IKBKE: variants seen among roughly 807,000 people sequenced by gnomAD.
IKBKE encodes inhibitor of nuclear factor kappa B kinase subunit epsilon.
In IKBKE, 45 loss-of-function variants were observed where a neutral mutation model predicts 92.1. The ratio of observed to expected loss-of-function variants is 0.49; its 90% CI spans 0.38 to 0.63. IKBKE has a LOEUF of 0.63. Ranked by LOEUF, IKBKE falls within the 20% of genes least tolerant of loss-of-function variation. IKBKE has a pLI of 0.00. For missense variants in IKBKE, 700 were observed against 932.8 expected (o/e 0.75, Z 3.25); for synonymous variants, 374 against 380.3 (o/e 0.98, Z 0.19).
At chr1:206,491,892 G>A in intron 18 of IKBKE, 143 bp downstream of exon 18, 1 of 604,078 alleles carries the variant, frequency 1.7e-6, no homozygotes, top group Non-Finnish European at 3.0e-6. Flanking sequence ...TTCTGTCCCT[G>A]GGTGGACCAG....
intron 13 of IKBKE, among the ~76,000 whole-genome samples, chr1:206,483,471 C>G (rs782222697): frequency 6.6e-6 from 1 of 152,166 alleles, no homozygotes; most frequent in Non-Finnish European, 1.5e-5. Flanking sequence ...TTGCTAGGCA[C>G]GAGACGTACG....
chr1:206,493,883 C>T (rs199991851), intron 20 of IKBKE, 37 bp from the exon 21 acceptor site: 1 of 1,598,686 alleles, frequency 6.3e-7, no homozygotes, highest in Non-Finnish European at 8.6e-7. Context: ...GGGCAACTTC[C>T]AGCCTCAGCC....
chr1:206,474,651 G>A (rs1259847460), intron 4 of IKBKE, among the ~76,000 whole-genome samples, 180 bp downstream of exon 4: 4 of 152,146 alleles, frequency 2.6e-5, no homozygotes, highest in South Asian at 2.1e-4. Context: ...GGAAAGGAAC[G>A]ATGGACAGAA....
At position 206,476,962 on chromosome 1, in the gene IKBKE, A is replaced by C; in HGVS notation, c.701+124A>C. On this transcript the variant is annotated intron_variant, in intron 7 of 21. Coordinates refer to ENST00000581977, the MANE Select transcript of IKBKE (RefSeq NM_014002.4). This position sits in a 1 kb window ranked among gnomAD's most constrained non-coding sequence, Gnocchi z 5.1. ...TGGCCCTCCTCTGGTCCACCCCCCA[A>C]CCCAGGCTCTTTGTAGATCTTTTTT... 2 of 1,014,894 alleles carry C rather than the reference A, an allele frequency of 2.0e-6. No homozygotes were observed. Among genetic ancestry groups the C allele is most frequent in the Non-Finnish European group, 1.4e-6 (1 of 693,436 alleles). 62.9% of individuals were successfully genotyped at this position (1,014,894 alleles called of 1,614,324 possible).
At chr1:206,491,548 C>G (rs1437300726) in intron 17 of IKBKE, 100 bp from the exon 18 acceptor site, 9 of 820,168 alleles carry the variant, frequency 1.1e-5, no homozygotes, top group African/African-American at 1.0e-4. Context: ...TGGGCACTTA[C>G]GACAAGGTGG....
intron 13 of IKBKE, among the ~76,000 whole-genome samples, chr1:206,483,873 G>A (rs984870791): frequency 1.3e-5 from 2 of 152,130 alleles, no homozygotes; most frequent in African/African-American, 2.4e-5. Flanking sequence ...GCTTCCCCTT[G>A]AAGTTGTTTG....
chr1:206,472,593 A>G (rs889239836), intron 2 of IKBKE, among the ~76,000 whole-genome samples: 1 of 151,810 alleles, frequency 6.6e-6, no homozygotes, highest in African/African-American at 2.4e-5. Flanking sequence ...ACTCTCACAC[A>G]CACACACACA....
rs781921697 is a variant in IKBKE at position 206,474,383 on chromosome 1, G to A, written c.140G>A (p.Arg47Gln). ...GTCTTCAACACTACCAGCTACCTGC[G>A]GCCCCGCGAGGTGCAGGTGAGGGAG... is the stretch of plus-strand genomic sequence containing the variant. The part of the protein sequence containing the change: ...VKVFNTTSYL[R>Q]PREVQVREFE... The change falls in exon 4 of 22, where the codon CGG (arginine) becomes CAG (glutamine). Residue 47 changes from arginine to glutamine, a missense_variant. Physicochemically the swap from Arg to Gln is conservative, Grantham distance 43 (BLOSUM62 1). Coordinates refer to ENST00000581977, the MANE Select transcript of IKBKE (RefSeq NM_014002.4). The A allele has an allele frequency of 2.0e-5, 33 of 1,613,480 alleles. No individual in the cohort carries two copies. The highest frequency in any genetic ancestry group is 2.7e-5 in the African/African-American group (2 of 74,908).
chr1:206,487,871 T>C lies in IKBKE; in HGVS notation c.1617-43T>C, dbSNP rs1553389182. The C allele has an allele frequency of 6.6e-7, 1 of 1,513,630 alleles. No homozygotes were observed. The highest frequency in any genetic ancestry group is 9.2e-7 in the Non-Finnish European group (1 of 1,092,554). The allele number at this position is 1,513,630 out of a possible 1,614,324, so 93.8% of individuals were successfully genotyped here. A position where few individuals can be genotyped will look rare whatever the true frequency, so the allele number is the denominator to read the frequency against. On this transcript the variant is annotated intron_variant, in intron 15 of 21. Coordinates refer to ENST00000581977, the MANE Select transcript of IKBKE (RefSeq NM_014002.4). This position sits in a 1 kb window ranked among gnomAD's most constrained non-coding sequence, Gnocchi z 5.3. ...CCCTCCCTCCCTCTTTCCTCTGTGCTATTAGATTCTTCCAACACCTGGTCC... is the reference window on the plus strand; with the variant it reads ...CCCTCCCTCCCTCTTTCCTCTGTGCCATTAGATTCTTCCAACACCTGGTCC...
chr1:206,483,279 CAT>C (rs1189815056), intron 13 of IKBKE, among the ~76,000 whole-genome samples: 1 of 152,260 alleles, frequency 6.6e-6, no homozygotes, highest in Admixed American at 6.5e-5. Context: ...AACCCAAGGT[CAT>C]GCAGATAGCA....
intron 18 of IKBKE, chr1:206,492,725 C>G (rs782117888): frequency 3.6e-6 from 2 of 559,990 alleles, no homozygotes; most frequent in African/African-American, 3.7e-5. Context: ...TGCAGCCTGA[C>G]TGGTGCCACG....
At chr1:206,475,837 C>G (rs945252768) in intron 5 of IKBKE, among the ~76,000 whole-genome samples, 4 of 151,814 alleles carry the variant, frequency 2.6e-5, no homozygotes, top group African/African-American at 9.7e-5. Flanking sequence ...GAAGTGTACA[C>G]TTAAAATTGG....
chr1:206,476,103 C>A lies in IKBKE; in HGVS notation c.359-78C>A. The A allele has an allele frequency of 7.1e-7, 1 of 1,402,932 alleles. No homozygotes were observed. Among genetic ancestry groups the A allele is most frequent in the Non-Finnish European group, 1.0e-6 (1 of 1,003,816 alleles). 86.9% of individuals were successfully genotyped at this position (1,402,932 alleles called of 1,614,324 possible). A position where few individuals can be genotyped will look rare whatever the true frequency, so the allele number is the denominator to read the frequency against. On this transcript the variant is annotated intron_variant, in intron 5 of 21. Transcript: ENST00000581977. The surrounding 1 kb of genome is among the most constrained non-coding windows in gnomAD (Gnocchi z 5.1). ...CCTGTCTCTCTGGATGCAAGGACAG[C>A]CTTCCCACCAAGATGAGCCTCAGAC...
chr1:206,486,816 A>C (rs1553388886), intron 15 of IKBKE, among the ~76,000 whole-genome samples: 1 of 151,480 alleles, frequency 6.6e-6, no homozygotes, highest in African/African-American at 2.4e-5. Context: ...TTTTGGATGA[A>C]GGCTGTGGAT....
At chr1:206,481,970 G>A (rs951525315) in intron 13 of IKBKE, among the ~76,000 whole-genome samples, 2 of 151,610 alleles carry the variant, frequency 1.3e-5, no homozygotes, top group Non-Finnish European at 2.9e-5. Flanking sequence ...TAGTAGAGAC[G>A]GGGTTTCACC....
At position 206,471,204 on chromosome 1, in the gene IKBKE, A is replaced by G. The variant is rs542023226; in HGVS notation, c.-74A>G. 6.6e-6 allele frequency: 1 copy of G among 151,860 alleles called. No homozygotes were observed. Among genetic ancestry groups the G allele is most frequent in the Admixed American group, 6.5e-5 (1 of 15,278 alleles). The allele number at this position is 151,860 out of a possible 1,614,324, so 9.4% of individuals were successfully genotyped here. A position where few individuals can be genotyped will look rare whatever the true frequency, so the allele number is the denominator to read the frequency against. ...ACAGAAAGCATAACATACACTCGCC[A>G]GGAAGAGCCTTTGCCTGACTCAGGG... On this transcript the variant is annotated 5_prime_UTR_variant, in exon 2 of 22. Transcript: ENST00000581977.
In IKBKE at chr1:206,490,652, C is replaced by T. The variant is rs111508839; in HGVS notation, c.1694-167C>T. Among the ~76,000 whole-genome samples, 11 of 152,356 alleles carry T rather than the reference C, an allele frequency of 7.2e-5. No homozygotes were observed. Among genetic ancestry groups the T allele is most frequent in the African/African-American group, 2.4e-4 (10 of 41,594 alleles). On this transcript the variant is annotated intron_variant, in intron 16 of 21. Transcript: ENST00000581977. This position sits in a 1 kb window ranked among gnomAD's most constrained non-coding sequence, Gnocchi z 5.2. ...CTGGCTTTGTCCTAATCAGCTATTC[C>T]GGTGCTAGCTTCACTCCTCTGCCCC...
chr1:206,474,822 G>A (rs782309294), intron 4 of IKBKE, 43 bp from the exon 5 acceptor site: 11 of 1,601,394 alleles, frequency 6.9e-6, no homozygotes, highest in Non-Finnish European at 7.7e-6. Flanking sequence ...GGGTGGGGAG[G>A]AGAAGTGCCG....
intron 18 of IKBKE, 92 bp from the exon 19 acceptor site, chr1:206,492,931 G>A (rs1666028498): frequency 5.4e-6 from 6 of 1,100,986 alleles, no homozygotes; most frequent in Non-Finnish European, 8.1e-6. Flanking sequence ...GGACCCACCT[G>A]TGTCCATGTG....
Sources: gnomAD v4.1 joint callset for allele counts (sites outside exome capture counted in the v4.1 genomes callset) on GRCh38, gnomAD v4.1.1 for gene constraint, Gnocchi (gnomAD v3.1) non-coding constraint, MANE v1.5 for transcripts, NCBI Gene and HGNC (gene_info 2026-07-23, HGNC 2026-07-21) for gene names.